LGR6: variants seen among roughly 807,000 people sequenced by gnomAD.
LGR6 encodes the protein leucine rich repeat containing G protein-coupled receptor 6.
In LGR6, 45 loss-of-function variants were observed where a neutral mutation model predicts 69.4. The ratio of observed to expected loss-of-function variants is 0.65; its 90% CI spans 0.51 to 0.83. LGR6 has a LOEUF of 0.83. Ranked by LOEUF, LGR6 falls within the 40% of genes least tolerant of loss-of-function variation. The pLI is 0.00. For synonymous variants in LGR6, 538 were observed against 555.0 expected (o/e 0.97, Z 0.43); for missense variants, 1,108 against 1,246.7 (o/e 0.89, Z 1.68).
At chr1:202,309,302 G>T (rs976039935) in intron 15 of LGR6, 126 bp downstream of exon 15, 61 of 1,171,002 alleles carry the variant, frequency 5.2e-5, no homozygotes, top group Non-Finnish European at 6.8e-5. Context: ...AGATTTAGTG[G>T]AAGGGCTCAC....
At chr1:202,269,019 C>T (rs530526267) in intron 4 of LGR6, among the ~76,000 whole-genome samples, 10 of 152,132 alleles carry the variant, frequency 6.6e-5, no homozygotes, top group Admixed American at 2.6e-4. Flanking sequence ...ATCCTCCTGC[C>T]GCAGCCTCCT....
intron 1 of LGR6, among the ~76,000 whole-genome samples, chr1:202,212,439 C>T (rs1336778724): frequency 6.6e-6 from 1 of 152,188 alleles, no homozygotes; most frequent in African/African-American, 2.4e-5. Context: ...AACTGGGTGG[C>T]CTAAAACAAC....
chr1:202,232,102 A>C (rs1571854825), intron 3 of LGR6, among the ~76,000 whole-genome samples: 2 of 6,436 alleles, frequency 3.1e-4, no homozygotes, highest in Admixed American at 4.6e-3. Context: ...ACGCCGTCTC[A>C]AAAAAAAAAA....
chr1:202,227,614 G>A (rs946770306), intron 2 of LGR6, among the ~76,000 whole-genome samples: 2 of 152,152 alleles, frequency 1.3e-5, no homozygotes, highest in Non-Finnish European at 2.9e-5. Flanking sequence ...GGAAACTGTG[G>A]CCGTGAGCCT....
chr1:202,307,460 G>A lies in LGR6; in HGVS notation c.1280+59G>A. On this transcript the variant is annotated intron_variant, in intron 14 of 17. Transcript: ENST00000367278. ...GGGGGCCAGTCGGGACTATGGGCTGGCCAATGGAGGCAGAAGGGCCACCCC... is the reference window on the plus strand; with the variant it reads ...GGGGGCCAGTCGGGACTATGGGCTGACCAATGGAGGCAGAAGGGCCACCCC... 2.6e-6 allele frequency: 4 copies of A among 1,510,040 alleles called. No individual in the cohort carries two copies. The Admixed American group carries it at 6.7e-5, about 25-fold the overall frequency. 93.5% of individuals were successfully genotyped at this position (1,510,040 alleles called of 1,614,324 possible). A position where few individuals can be genotyped will look rare whatever the true frequency, so the allele number is the denominator to read the frequency against.
chr1:202,197,632 A>C (rs764804047), intron 1 of LGR6, among the ~76,000 whole-genome samples: 42 of 152,134 alleles, frequency 2.8e-4, no homozygotes, highest in Non-Finnish European at 5.7e-4. Context: ...AAAAAAAAGA[A>C]GACCAGTAAT....
At chr1:202,262,364 G>A (rs1429687689) in intron 4 of LGR6, among the ~76,000 whole-genome samples, 1 of 152,074 alleles carries the variant, frequency 6.6e-6, no homozygotes, top group Non-Finnish European at 1.5e-5. Flanking sequence ...CCCATTGCTT[G>A]TTTTTCTCAG....
chr1:202,289,420 C>T (rs1231175536), intron 6 of LGR6, among the ~76,000 whole-genome samples: 1 of 152,170 alleles, frequency 6.6e-6, no homozygotes, highest in African/African-American at 2.4e-5. Flanking sequence ...TCTGTGGTTC[C>T]AGGTGCTTCA....
intron 1 of LGR6, among the ~76,000 whole-genome samples, chr1:202,199,882 G>GT (rs1270615541): frequency 6.6e-6 from 1 of 152,160 alleles, no homozygotes; most frequent in Non-Finnish European, 1.5e-5. Context: ...AAAGCAAAGG[G>GT]TTTTTTATGC....
chr1:202,269,814 G>GC lies in LGR6; in HGVS notation c.429-6490dup, dbSNP rs538021032. On this transcript the variant is annotated intron_variant, in intron 4 of 17. Transcript: ENST00000367278. ...CTGCCCTCTTTCCCTTGCTTTCCTC[G>GC]CCTCCCTTAGGGCACACTGACCTTT... Among the ~76,000 whole-genome samples, 99 of 152,244 alleles carry GC rather than the reference G, an allele frequency of 6.5e-4. 2 individuals carry two copies. The South Asian group carries it at 0.02, about 30-fold the overall frequency.
intron 7 of LGR6, among the ~76,000 whole-genome samples, chr1:202,299,270 A>C (rs1667400834): frequency 1.3e-5 from 2 of 151,888 alleles, no homozygotes; most frequent in Admixed American, 6.6e-5. Flanking sequence ...AAAAAAAAAA[A>C]AAAAAAAAAG....
At chr1:202,276,148 C>T (rs1284282227) in intron 4 of LGR6, 158 bp from the exon 5 acceptor site, 14 of 600,960 alleles carry the variant, frequency 2.3e-5, no homozygotes, top group Admixed American at 5.7e-5. Flanking sequence ...TATGGGAACT[C>T]GAAGAGGCGG....
chr1:202,275,620 C>T (rs1266913400), intron 4 of LGR6, among the ~76,000 whole-genome samples: 1 of 152,080 alleles, frequency 6.6e-6, no homozygotes, highest in African/African-American at 2.4e-5. Context: ...AGCAAGAAGC[C>T]CCAGGACTTT....
chr1:202,194,034 G>T lies in LGR6; in HGVS notation c.45G>T (p.Ala15=), dbSNP rs1371110184. The T allele has an allele frequency of 6.5e-6, 9 of 1,389,790 alleles. No individual in the cohort carries two copies. The highest frequency in any genetic ancestry group is 8.3e-6 in the Non-Finnish European group (9 of 1,078,448). The allele number at this position is 1,389,790 out of a possible 1,614,324, so 86.1% of individuals were successfully genotyped here. Residue 15 remains alanine (A), a synonymous_variant, in exon 1 of 18, where the codon GCG becomes GCT. Transcript: ENST00000367278. ...TCCGGGCGCTATGGCTTTGCGCCGCGCTGTGCGCTTCCCGGAGGGCCGGCG... is the reference window on the plus strand; with the variant it reads ...TCCGGGCGCTATGGCTTTGCGCCGCTCTGTGCGCTTCCCGGAGGGCCGGCG... ...PGLRALWLCA[A]LCASRRAGGA...
At chr1:202,282,650 C>T (rs1666096755) in intron 6 of LGR6, among the ~76,000 whole-genome samples, 2 of 152,138 alleles carry the variant, frequency 1.3e-5, no homozygotes, top group Non-Finnish European at 2.9e-5. Flanking sequence ...GTTAGCTTTG[C>T]TGGGAAATCA....
chr1:202,202,716 G>A (rs146456122), intron 1 of LGR6, among the ~76,000 whole-genome samples: 1 of 152,216 alleles, frequency 6.6e-6, no homozygotes, highest in Non-Finnish European at 1.5e-5. Flanking sequence ...GAGCGGTGGA[G>A]GCAGGCCTGC....
chr1:202,235,455 G>T (rs1661459886), intron 3 of LGR6, among the ~76,000 whole-genome samples: 1 of 152,136 alleles, frequency 6.6e-6, no homozygotes, highest in Non-Finnish European at 1.5e-5. Context: ...ATTTGCCTGG[G>T]GCACTGACAC....
chr1:202,227,633 G>A (rs1172611761), intron 2 of LGR6, among the ~76,000 whole-genome samples: 2 of 152,134 alleles, frequency 1.3e-5, no homozygotes, highest in Non-Finnish European at 2.9e-5. Flanking sequence ...CTTCAAATTA[G>A]TCAGGTCTGG....
intron 4 of LGR6, among the ~76,000 whole-genome samples, chr1:202,274,012 C>A (rs1665334912): frequency 6.6e-6 from 1 of 152,142 alleles, no homozygotes; most frequent in African/African-American, 2.4e-5. Context: ...TGGAAAGGGC[C>A]TTTCCAGGGT....
Sources: allele counts gnomAD v4.1 joint callset (sites outside exome capture counted in the v4.1 genomes callset), GRCh38; gene constraint gnomAD v4.1.1; transcripts MANE v1.5; gene names NCBI Gene and HGNC (gene_info 2026-07-23, HGNC 2026-07-21).